FGF13: variants seen among roughly 807,000 people sequenced by gnomAD.
FGF13 encodes fibroblast growth factor homologous factor 2.
Under a neutral mutation model 19.5 loss-of-function variants are expected in FGF13, and 2 were observed. The ratio of observed to expected loss-of-function variants is 0.10; its 90% CI spans 0.04 to 0.32. The LOEUF (loss-of-function observed/expected upper bound fraction) is 0.32. Ranked by LOEUF, FGF13 falls within the 10% of genes least tolerant of loss-of-function variation. The pLI is 1.00. For missense variants in FGF13, 113 were observed against 192.7 expected, an observed-to-expected ratio of 0.59 and a Z score of 2.45; for synonymous variants, 72 against 76.9, an observed-to-expected ratio of 0.94 and a Z score of 0.33.
chrX:138,945,454 T>C (rs928048948), intron 1 of FGF13, among the ~76,000 whole-genome samples: 3 of 111,442 alleles, frequency 2.7e-5, no homozygotes, highest in African/African-American at 9.8e-5. Flanking sequence ...ATGAAACAGA[T>C]AGCAGGACTG....
chrX:138,721,820 CACAT>C (rs762487549), intron 1 of FGF13, among the ~76,000 whole-genome samples: 15 of 109,941 alleles, frequency 1.4e-4, no homozygotes, highest in African/African-American at 3.9e-4. Flanking sequence ...TATATATACA[CACAT>C]ATATTAAATA....
chrX:138,979,472 G>A (rs552054942), intron 1 of FGF13, among the ~76,000 whole-genome samples: 1 of 109,535 alleles, frequency 9.1e-6, no homozygotes, highest in Non-Finnish European at 1.9e-5. Flanking sequence ...AGGCAAATTT[G>A]GTTATCTGAC....
intron 3 of FGF13, among the ~76,000 whole-genome samples, chrX:138,841,982 G>A (rs1261007110): frequency 9.0e-6 from 1 of 111,724 alleles, no homozygotes; most frequent in African/African-American, 3.3e-5. Context: ...AGTCGAGTCT[G>A]AATAGTTAGC....
At chrX:138,777,562 C>T (rs892522511) in intron 3 of FGF13, among the ~76,000 whole-genome samples, 7 of 111,671 alleles carry the variant, frequency 6.3e-5, no homozygotes, top group East Asian at 5.7e-4. Flanking sequence ...GGCCCAGCCA[C>T]GACAAGTGGC....
intron 1 of FGF13, among the ~76,000 whole-genome samples, chrX:139,135,923 T>C (rs2083796247): frequency 9.0e-6 from 1 of 111,689 alleles, no homozygotes; most frequent in Admixed American, 9.5e-5. Context: ...AATTAAATAA[T>C]GCTAAAAAAA....
At chrX:138,661,587 C>A (rs936894204) in intron 3 of FGF13, among the ~76,000 whole-genome samples, 2 of 111,562 alleles carry the variant, frequency 1.8e-5, no homozygotes, top group Non-Finnish European at 3.8e-5. Flanking sequence ...GAGATTTTCT[C>A]TGTTTCTCAT....
At chrX:138,686,030 A>T (rs1382127568) in intron 3 of FGF13, among the ~76,000 whole-genome samples, 2 of 110,793 alleles carry the variant, frequency 1.8e-5, no homozygotes, top group Non-Finnish European at 3.8e-5. Flanking sequence ...AAAAAAGAAA[A>T]ATTCTTTACT....
intron 1 of FGF13, among the ~76,000 whole-genome samples, chrX:139,158,163 A>G (rs909724422): frequency 6.3e-5 from 7 of 110,846 alleles, no homozygotes; most frequent in Non-Finnish European, 1.3e-4. Flanking sequence ...CTGGGTTTCA[A>G]GCACAAAACG....
At chrX:139,177,084 C>A (rs1040567866) in intron 1 of FGF13, among the ~76,000 whole-genome samples, 1 of 110,611 alleles carries the variant, frequency 9.0e-6, no homozygotes, top group Non-Finnish European at 1.9e-5. Context: ...CTTTATGAAT[C>A]TGGGTGTTCC....
At chrX:138,684,543 T>C (rs1431478275) in intron 3 of FGF13, among the ~76,000 whole-genome samples, 1 of 111,463 alleles carries the variant, frequency 9.0e-6, no homozygotes, top group Non-Finnish European at 1.9e-5. Context: ...GTGGGAAATA[T>C]AAAAGATGGG....
chrX:138,870,691 G>A (rs909967850), intron 1 of FGF13, among the ~76,000 whole-genome samples: 1 of 112,651 alleles, frequency 8.9e-6, no homozygotes, highest in Admixed American at 9.4e-5. Flanking sequence ...AATGAGGAAG[G>A]TAGAATAGTG....
intron 1 of FGF13, among the ~76,000 whole-genome samples, chrX:139,068,503 T>C (rs941078349): frequency 9.3e-6 from 1 of 108,040 alleles, no homozygotes. Flanking sequence ...TTTAAAGTAG[T>C]TTTTTCCAAT....
chrX:138,758,477 C>T (rs766519068), intron 3 of FGF13, among the ~76,000 whole-genome samples: 1 of 111,554 alleles, frequency 9.0e-6, no homozygotes, highest in Non-Finnish European at 1.9e-5. Context: ...GTTCCTAGGT[C>T]CTCATGCTTG....
intron 3 of FGF13, among the ~76,000 whole-genome samples, chrX:138,822,191 T>G (rs1182645355): frequency 1.8e-5 from 2 of 112,355 alleles, no homozygotes; most frequent in African/African-American, 6.5e-5. Flanking sequence ...GAGGACAGGT[T>G]GTAGCACTAT....
chrX:138,778,064 T>C (rs1373390554), intron 3 of FGF13, among the ~76,000 whole-genome samples: 1 of 111,821 alleles, frequency 8.9e-6, no homozygotes, highest in African/African-American at 3.3e-5. Context: ...GATGGCCGAA[T>C]AGGAACAGCT....
intron 1 of FGF13, among the ~76,000 whole-genome samples, chrX:138,950,478 G>A (rs193074069): frequency 3.6e-3 from 398 of 111,603 alleles, no homozygotes; most frequent in African/African-American, 0.012. Context: ...TAGATGATAG[G>A]AGTGAGCCTC....
Position 138,625,436 on chromosome X carries a change from A to G in FGF13, c.*7414T>C, listed in dbSNP as rs2089048708. The stretch of plus-strand genomic sequence containing the variant: ...TATGGAACAACCTAAGTGCCCACGG[A>G]CAGATGAATGAAGAAAGAAAATTAT... On this transcript the variant is annotated 3_prime_UTR_variant, in exon 5 of 5. Coordinates refer to ENST00000315930, the MANE Select transcript of FGF13 (RefSeq NM_004114.5). 1 of 97,845 alleles carries G rather than the reference A, an allele frequency of 1.0e-5. No individual in the cohort carries two copies. The highest frequency in any genetic ancestry group is 3.8e-5 in the African/African-American group (1 of 26,523). The allele number at this position is 97,845 out of a possible 1,213,427, so 8.1% of individuals were successfully genotyped here. A position where few individuals can be genotyped will look rare whatever the true frequency, so the allele number is the denominator to read the frequency against.
chrX:138,929,863 TGTG>T (rs1195558684), intron 1 of FGF13, among the ~76,000 whole-genome samples: 2 of 21,507 alleles, frequency 9.3e-5, no homozygotes, highest in Non-Finnish European at 2.8e-4. Context: ...GCTGTGTGTG[TGTG>T]TGTGTGTGTG....
At chrX:139,084,260 T>C (rs1217015002) in intron 1 of FGF13, among the ~76,000 whole-genome samples, 1 of 109,565 alleles carries the variant, frequency 9.1e-6, no homozygotes, top group Non-Finnish European at 1.9e-5. Flanking sequence ...AGGGAGAAAA[T>C]GAGAAGGAAG....
Sources: gnomAD v4.1 joint callset for allele counts (sites outside exome capture counted in the v4.1 genomes callset) on GRCh38, gnomAD v4.1.1 for gene constraint, MANE v1.5 for transcripts, NCBI Gene and HGNC (gene_info 2026-07-23, HGNC 2026-07-21) for gene names.